Variants in SHB observed in about 807,000 individuals in gnomAD.
The protein encoded by SHB is SH2 domain containing adaptor protein B.
Under a neutral mutation model 52.3 loss-of-function variants are expected in SHB, and 20 were observed. The observed-to-expected ratio is 0.38, with a 90% CI of 0.27 to 0.56. SHB has a LOEUF of 0.56. Ranked by LOEUF, SHB falls within the 20% of genes least tolerant of loss-of-function variation. SHB has a pLI of 0.71. For missense variants in SHB, 825 were observed against 723.3 expected (o/e 1.14, Z -1.61); for synonymous variants, 397 against 316.5 (o/e 1.25, Z -2.70).
At chr9:37,926,843 T>A (rs2118464725) in intron 5 of SHB, among the ~76,000 whole-genome samples, 1 of 152,308 alleles carries the variant, frequency 6.6e-6, no homozygotes, top group South Asian at 2.1e-4. Context: ...ATGTGGCTTC[T>A]CCACAGCAAA....
rs112818700 is a variant in SHB at position 37,935,601 on chromosome 9, G to C, written c.1346+13034C>G. 3.7e-3 allele frequency among the ~76,000 whole-genome samples: 570 copies of C among 152,194 alleles called. 8 individuals carry two copies. Among genetic ancestry groups the C allele is most frequent in the African/African-American group, 0.013 (544 of 41,512 alleles). On this transcript the variant is annotated intron_variant, in intron 5 of 5. Transcript: ENST00000377707. ...GGGCTTCAGAGTGTACAAAATCGTG[G>C]TCCTGGACCACGATTGCATTTATGC...
chr9:38,051,255 C>T (rs1410933779), intron 1 of SHB, among the ~76,000 whole-genome samples: 1 of 151,984 alleles, frequency 6.6e-6, no homozygotes, highest in African/African-American at 2.4e-5. Context: ...TCCTGGCCAA[C>T]ATGGTGAAAC....
chr9:38,000,231 C>A (rs1158577766), intron 2 of SHB, among the ~76,000 whole-genome samples: 3 of 152,242 alleles, frequency 2.0e-5, no homozygotes, highest in African/African-American at 4.8e-5. Context: ...GCTTGAACAA[C>A]TGAAGGAGAC....
intron 3 of SHB, among the ~76,000 whole-genome samples, chr9:37,965,837 C>T (rs1357351191): frequency 1.3e-5 from 2 of 152,184 alleles, no homozygotes; most frequent in Non-Finnish European, 2.9e-5. Flanking sequence ...GTTTCCTCAT[C>T]TGTACAGTGG....
At chr9:38,063,857 G>A (rs773655076) in intron 1 of SHB, among the ~76,000 whole-genome samples, 1 of 148,618 alleles carries the variant, frequency 6.7e-6, no homozygotes, top group Admixed American at 6.7e-5. Flanking sequence ...TATGGAAAAA[G>A]TGTTATTTAA....
At chr9:37,998,872 C>G (rs1020975541) in intron 2 of SHB, among the ~76,000 whole-genome samples, 1 of 152,222 alleles carries the variant, frequency 6.6e-6, no homozygotes, top group Non-Finnish European at 1.5e-5. Context: ...AGAGGAAAGG[C>G]CCATTTTTCA....
At chr9:38,038,409 G>A (rs1210861388) in intron 1 of SHB, among the ~76,000 whole-genome samples, 1 of 152,102 alleles carries the variant, frequency 6.6e-6, no homozygotes, top group African/African-American at 2.4e-5. Flanking sequence ...CACCCAGGGA[G>A]TCATCTTACC....
intron 1 of SHB, among the ~76,000 whole-genome samples, chr9:38,026,222 G>A (rs902110207): frequency 2.6e-5 from 4 of 152,224 alleles, no homozygotes; most frequent in African/African-American, 9.6e-5. Context: ...TTCAAAGCCA[G>A]GCCTCTGTGC....
At chr9:38,016,278 C>T (rs933234990) in intron 1 of SHB, 147 bp from the exon 2 acceptor site, 2 of 731,560 alleles carry the variant, frequency 2.7e-6, no homozygotes, top group South Asian at 3.6e-5. Flanking sequence ...TCAGGGAGCT[C>T]CACATCTCAC....
intron 5 of SHB, among the ~76,000 whole-genome samples, chr9:37,926,146 C>A (rs908251616): frequency 6.6e-6 from 1 of 152,074 alleles, no homozygotes; most frequent in African/African-American, 2.4e-5. Flanking sequence ...TGGCAAGGTA[C>A]CTCCGTGGTC....
chr9:37,923,729 T>G (rs538954657), intron 5 of SHB, among the ~76,000 whole-genome samples: 2 of 152,176 alleles, frequency 1.3e-5, no homozygotes, highest in Non-Finnish European at 2.9e-5. Context: ...AGGCAAGGAG[T>G]ATGGCTGCTC....
At chr9:37,935,198 G>T (rs529415852) in intron 5 of SHB, among the ~76,000 whole-genome samples, 1 of 152,154 alleles carries the variant, frequency 6.6e-6, no homozygotes, top group Admixed American at 6.6e-5. Flanking sequence ...TCTTACCATC[G>T]ATGTGTCAGA....
intron 4 of SHB, among the ~76,000 whole-genome samples, chr9:37,952,481 G>C (rs1232913928): frequency 6.6e-6 from 1 of 152,240 alleles, no homozygotes; most frequent in Admixed American, 6.5e-5. Flanking sequence ...GTGCCCAGGA[G>C]GAGAAGTTTG....
At chr9:38,040,701 G>A (rs1245854606) in intron 1 of SHB, among the ~76,000 whole-genome samples, 1 of 152,184 alleles carries the variant, frequency 6.6e-6, no homozygotes, top group East Asian at 1.9e-4. Flanking sequence ...AGTGAGGAAA[G>A]TGGCAGTCAA....
At chr9:38,057,467 G>C (rs966310345) in intron 1 of SHB, among the ~76,000 whole-genome samples, 5 of 152,196 alleles carry the variant, frequency 3.3e-5, no homozygotes, top group African/African-American at 1.2e-4. Flanking sequence ...AGGGGTAAAA[G>C]GTTAGTCAAA....
chr9:38,028,564 C>T (rs1173395564), intron 1 of SHB, among the ~76,000 whole-genome samples: 1 of 152,218 alleles, frequency 6.6e-6, no homozygotes, highest in Non-Finnish European at 1.5e-5. Context: ...ATGGCTCAGG[C>T]CACACCAGAA....
chr9:37,928,546 G>A (rs985882653), intron 5 of SHB, among the ~76,000 whole-genome samples: 1 of 152,170 alleles, frequency 6.6e-6, no homozygotes, highest in Admixed American at 6.5e-5. Flanking sequence ...AATACCCTAC[G>A]ACGCACAGCA....
At chr9:37,974,017 G>A (rs955492856) in intron 3 of SHB, among the ~76,000 whole-genome samples, 2 of 152,204 alleles carry the variant, frequency 1.3e-5, no homozygotes, top group Non-Finnish European at 2.9e-5. Context: ...CACTTTGGGA[G>A]GCCGAGGTGG....
At chr9:38,036,314 T>G (rs1188733804) in intron 1 of SHB, among the ~76,000 whole-genome samples, 1 of 152,176 alleles carries the variant, frequency 6.6e-6, no homozygotes, top group Non-Finnish European at 1.5e-5. Context: ...CAGCCACATT[T>G]TAACCAAAAT....
Sources: gnomAD v4.1 joint callset for allele counts (sites outside exome capture counted in the v4.1 genomes callset) on GRCh38, gnomAD v4.1.1 for gene constraint, MANE v1.5 for transcripts, NCBI Gene and HGNC (gene_info 2026-07-23, HGNC 2026-07-21) for gene names.